AFTPH: variants seen among roughly 807,000 people sequenced by gnomAD.
AFTPH encodes the protein aftiphilin protein.
In AFTPH, 7 loss-of-function variants were observed where a neutral mutation model predicts 72.5. That is an observed-to-expected ratio of 0.10 (90% CI 0.05 to 0.18). The LOEUF is 0.18. Ranked by LOEUF, AFTPH falls within the 10% of genes least tolerant of loss-of-function variation. The pLI is 1.00. For missense variants in AFTPH, 979 were observed against 1,060.5 expected (o/e 0.92, Z 1.07); for synonymous variants, 337 against 370.1 (o/e 0.91, Z 1.03).
At chr2:64,573,432 TAAAA>T (rs57001495) in intron 6 of AFTPH, among the ~76,000 whole-genome samples, 18 of 140,518 alleles carry the variant, frequency 1.3e-4, no homozygotes, top group Non-Finnish European at 2.2e-4. Flanking sequence ...GTGCTGGGTT[TAAAA>T]AAAAAAAAAA....
Position 64,563,300 on chromosome 2 carries a change from CAG to C in AFTPH, c.1936-4260_1936-4259del, listed in dbSNP as rs535551251. On this transcript the variant is annotated intron_variant, in intron 2 of 8. Transcript: ENST00000238856. The stretch of plus-strand genomic sequence containing the variant: ...TTGAGAGGATGATTGTATTGTAAAA[CAG>C]ATGAAAATAATATATGTACCCCCAA... 5.8e-3 allele frequency among the ~76,000 whole-genome samples: 887 copies of C among 152,244 alleles called. 9 individuals are homozygous for C. The highest frequency in any genetic ancestry group is 0.02 in the African/African-American group (846 of 41,556).
intron 1 of AFTPH, among the ~76,000 whole-genome samples, chr2:64,531,457 A>G (rs1362218756): frequency 6.6e-6 from 1 of 152,186 alleles, no homozygotes; most frequent in East Asian, 1.9e-4. Flanking sequence ...TGTTTGCATA[A>G]TTTAAAATTT....
At position 64,534,909 on chromosome 2, in the gene AFTPH, AT is replaced by A. The variant is rs1669806591; in HGVS notation, c.-33+10298del. Among the ~76,000 whole-genome samples, 19 of 152,256 alleles carry A rather than the reference AT, an allele frequency of 1.2e-4. No individual in the cohort carries two copies. The South Asian group carries it at 3.9e-3, about 32-fold the overall frequency. On this transcript the variant is annotated intron_variant, in intron 1 of 8. Transcript: ENST00000238856. ...AAATCTAGAGCTGTCTCAAATACTT[AT>A]GTGTTGTTTCAAAAATTGTCACAGT...
intron 1 of AFTPH, among the ~76,000 whole-genome samples, chr2:64,550,437 C>G (rs999179676): frequency 3.9e-5 from 6 of 152,070 alleles, no homozygotes; most frequent in African/African-American, 1.4e-4. Context: ...CATTATTAGG[C>G]TGAGGGAAAA....
At chr2:64,524,524 C>T (rs1669127030) in exon 1 of AFTPH, 2 of 399,358 alleles carry the variant, frequency 5.0e-6, no homozygotes, top group Non-Finnish European at 8.8e-6. Flanking sequence ...TCACCAGTTC[C>T]GCGTCGGAAT....
At chr2:64,564,682 G>A (rs941968823) in intron 2 of AFTPH, among the ~76,000 whole-genome samples, 2 of 151,850 alleles carry the variant, frequency 1.3e-5, no homozygotes, top group African/African-American at 4.8e-5. Flanking sequence ...TGGATCTATA[G>A]CCCTCTATTG....
At chr2:64,564,439 A>G (rs986488610) in intron 2 of AFTPH, among the ~76,000 whole-genome samples, 1 of 152,058 alleles carries the variant, frequency 6.6e-6, no homozygotes, top group African/African-American at 2.4e-5. Flanking sequence ...ATAGACCCTG[A>G]TATCTCCAGA....
chr2:64,591,781 C>T, intron 8 of AFTPH, 107 bp from the exon 10 acceptor site: 3 of 1,231,236 alleles, frequency 2.4e-6, no homozygotes, highest in East Asian at 2.4e-5. Flanking sequence ...AAAAAATACT[C>T]AAGTCCCCAC....
chr2:64,534,906 C>T (rs897783336), intron 1 of AFTPH, among the ~76,000 whole-genome samples: 1 of 152,036 alleles, frequency 6.6e-6, no homozygotes, highest in African/African-American at 2.4e-5. Context: ...GTCTCAAATA[C>T]TTATGTGTTG....
chr2:64,546,663 G>T (rs993597269), intron 1 of AFTPH, among the ~76,000 whole-genome samples: 1 of 151,788 alleles, frequency 6.6e-6, no homozygotes, highest in Non-Finnish European at 1.5e-5. Context: ...AAGACTGCCA[G>T]CCTGATGCCC....
chr2:64,587,649 A>T (rs1395055505), intron 8 of AFTPH, among the ~76,000 whole-genome samples: 1 of 152,250 alleles, frequency 6.6e-6, no homozygotes, highest in Non-Finnish European at 1.5e-5. Flanking sequence ...TCAAGGTAGA[A>T]GAAATTTGAC....
rs1185487076 is a variant in AFTPH, at chr2:64,584,874, G to A, written c.2456-548G>A. On this transcript the variant is annotated intron_variant, in intron 7 of 8. Coordinates refer to ENST00000238856, the Ensembl canonical transcript of AFTPH. The stretch of plus-strand genomic sequence containing the variant: ...GCCTCCCAAAGTGCTGGGATTACAG[G>A]CGTGAGCCACCGCGCCTGGCCAGTC... 3.3e-5 allele frequency among the ~76,000 whole-genome samples: 5 copies of A among 152,128 alleles called. No homozygotes were observed. The South Asian group carries it at 8.3e-4, about 25-fold the overall frequency.
intron 1 of AFTPH, among the ~76,000 whole-genome samples, chr2:64,544,275 T>G (rs1670427684): frequency 6.6e-6 from 1 of 152,230 alleles, no homozygotes; most frequent in African/African-American, 2.4e-5. Flanking sequence ...TAGGATATCC[T>G]GTTTGCTACC....
chr2:64,532,754 C>A lies in AFTPH; in HGVS notation c.-33+8142C>A, dbSNP rs537866479. 5.5e-4 allele frequency among the ~76,000 whole-genome samples: 84 copies of A among 151,960 alleles called. 1 individual carries two copies. Among genetic ancestry groups the A allele is most frequent in the African/African-American group, 2.0e-3 (84 of 41,444 alleles). ...AGGCTGTAAAGATGAATCTGAGAGT[C>A]CAAGAATATGGTAATTATTAATAAA... On this transcript the variant is annotated intron_variant, in intron 1 of 8. Coordinates refer to ENST00000238856, the Ensembl canonical transcript of AFTPH.
intron 5 of AFTPH, 126 bp from the exon 6 acceptor site, chr2:64,572,820 T>G: frequency 1.6e-6 from 2 of 1,236,720 alleles, no homozygotes; most frequent in African/African-American, 1.5e-5. Context: ...AAAAAAAGAC[T>G]AGTTCCTTTT....
intron 1 of AFTPH, among the ~76,000 whole-genome samples, chr2:64,542,647 G>A (rs1670325778): frequency 6.6e-6 from 1 of 150,620 alleles, no homozygotes; most frequent in African/African-American, 2.5e-5. Flanking sequence ...CCAAGCCTAT[G>A]AAATTATATA....
chr2:64,560,739 G>A (rs578206330), intron 2 of AFTPH, among the ~76,000 whole-genome samples: 1 of 152,178 alleles, frequency 6.6e-6, no homozygotes, highest in Non-Finnish European at 1.5e-5. Flanking sequence ...TAGGCATGGT[G>A]GTGTGCGGCT....
At chr2:64,558,265 C>T (rs1671511246) in intron 2 of AFTPH, among the ~76,000 whole-genome samples, 1 of 152,142 alleles carries the variant, frequency 6.6e-6, no homozygotes, top group South Asian at 2.1e-4. Flanking sequence ...ATATAAAATA[C>T]TTAAGTCATT....
chr2:64,591,647 CTG>C (rs1412626879), intron 8 of AFTPH, among the ~76,000 whole-genome samples: 2 of 152,190 alleles, frequency 1.3e-5, no homozygotes, highest in Non-Finnish European at 2.9e-5. Context: ...ATGTGAGTAT[CTG>C]TGTGTGCATG....
Sources: allele counts gnomAD v4.1 joint callset (sites outside exome capture counted in the v4.1 genomes callset), GRCh38; gene constraint gnomAD v4.1.1; transcripts MANE v1.5; gene names NCBI Gene and HGNC (gene_info 2026-07-23, HGNC 2026-07-21).